The following FRMD4B variants were observed in gnomAD, a reference collection of about 807,000 sequenced individuals.
FRMD4B encodes FERM domain containing 4B, also known as FERM domain-containing protein 4B.
In FRMD4B, 74 loss-of-function variants were observed where a neutral mutation model predicts 141.5. That is an observed-to-expected ratio of 0.52 (90% CI 0.43 to 0.63). The LOEUF (loss-of-function observed/expected upper bound fraction) is 0.63. Ranked by LOEUF, FRMD4B falls within the 30% of genes least tolerant of loss-of-function variation. FRMD4B has a pLI of 0.00. For missense variants in FRMD4B, 1,366 were observed against 1,253.4 expected (o/e 1.09, Z -1.36); for synonymous variants, 506 against 467.9 (o/e 1.08, Z -1.05).
intron 2 of FRMD4B, among the ~76,000 whole-genome samples, chr3:69,397,993 AAAG>A (rs1704500141): frequency 6.6e-6 from 1 of 152,198 alleles, no homozygotes; most frequent in African/African-American, 2.4e-5. Flanking sequence ...ATATCTTCAG[AAAG>A]AAGGTGTTCA....
rs868853679 is a variant in FRMD4B at position 69,187,882 on chromosome 3, T to G, written c.1807A>C (p.Ser603Arg). Residue 603 changes from serine to arginine, a missense_variant, in exon 19 of 23, where the codon AGT becomes CGT. Ser to Arg is a moderately radical substitution (Grantham distance 110). Transcript: ENST00000398540. The stretch of plus-strand genomic sequence containing the variant: ...ATTCTTGGAGAATGAGGTACTGAAC[T>G]TGATCGCTGCCCAGGAAAAGTGAAG... ...DAFTFPGQRS[S>R]SVPHSPRILP... is the part of the protein sequence containing the mutation. 5.0e-6 allele frequency: 8 copies of G among 1,602,786 alleles called. No individual in the cohort carries two copies. The African/African-American group carries it at 6.7e-5, about 13-fold the overall frequency.
intron 1 of FRMD4B, among the ~76,000 whole-genome samples, chr3:69,512,647 G>T (rs756340915): frequency 6.6e-6 from 1 of 152,056 alleles, no homozygotes; most frequent in Non-Finnish European, 1.5e-5. Context: ...CCTAGTCAAC[G>T]AGAATAGGGG....
chr3:69,286,396 C>T (rs1468821539), intron 5 of FRMD4B, among the ~76,000 whole-genome samples: 1 of 152,174 alleles, frequency 6.6e-6, no homozygotes, highest in Non-Finnish European at 1.5e-5. Context: ...TGGAAGTATA[C>T]TACTGTAAGA....
At chr3:69,284,312 T>C (rs914102632) in intron 5 of FRMD4B, among the ~76,000 whole-genome samples, 3 of 152,070 alleles carry the variant, frequency 2.0e-5, no homozygotes, top group Non-Finnish European at 4.4e-5. Flanking sequence ...ATTCCATGCA[T>C]GAAAAGAAAC....
rs759180502 is a variant in FRMD4B at position 69,250,056 on chromosome 3, G to A, written c.545C>T (p.Ala182Val). ...GTCCAATCTTACCTGTAAAATAAAC[G>A]CTGCTAACTTGAAGATGGTTTCGCT... Reference protein sequence around the residue: ...VESETIFKLAAFILQEAKGDY... With the variant: ...VESETIFKLAVFILQEAKGDY... Residue 182 changes from alanine to valine, a missense_variant, in exon 6 of 23, where the codon GCG (alanine) becomes GTG (valine). Ala to Val is a moderately conservative substitution (Grantham distance 64). Transcript: ENST00000398540. 9.9e-6 allele frequency: 16 copies of A among 1,608,848 alleles called. No individual in the cohort carries two copies. Among genetic ancestry groups the A allele is most frequent in the Admixed American group, 1.7e-5 (1 of 59,984 alleles).
At chr3:69,242,228 C>T (rs1166725810) in intron 7 of FRMD4B, among the ~76,000 whole-genome samples, 7 of 152,264 alleles carry the variant, frequency 4.6e-5, no homozygotes, top group Admixed American at 2.0e-4. Flanking sequence ...TTCCAAAACT[C>T]CTCTCTTCAC....
chr3:69,343,913 G>T (rs1299732426), intron 1 of FRMD4B, among the ~76,000 whole-genome samples: 2 of 152,136 alleles, frequency 1.3e-5, no homozygotes, highest in African/African-American at 4.8e-5. Flanking sequence ...CCAAGAGTGA[G>T]TTGCAAATGA....
intron 20 of FRMD4B, 59 bp from the exon 21 acceptor site, chr3:69,181,769 GA>G: frequency 1.9e-6 from 2 of 1,044,288 alleles, no homozygotes; most frequent in Non-Finnish European, 2.8e-6. Context: ...ACCCAAATAA[GA>G]AAAAAGAATA....
At chr3:69,527,620 A>G (rs1485953941) in intron 1 of FRMD4B, among the ~76,000 whole-genome samples, 2 of 152,194 alleles carry the variant, frequency 1.3e-5, no homozygotes, top group Non-Finnish European at 2.9e-5. Context: ...CTATTTTGAA[A>G]TATGTTTATA....
intron 2 of FRMD4B, among the ~76,000 whole-genome samples, chr3:69,400,398 G>C (rs1012738136): frequency 1.0e-4 from 15 of 149,538 alleles, no homozygotes; most frequent in Non-Finnish European, 5.9e-5. Flanking sequence ...AAAAAAAAAA[G>C]TGTACCATTT....
intron 1 of FRMD4B, among the ~76,000 whole-genome samples, chr3:69,318,628 G>T (rs561956438): frequency 3.4e-4 from 52 of 152,212 alleles, no homozygotes; most frequent in Non-Finnish European, 5.6e-4. Context: ...AGGTCAGGGG[G>T]CTGATTTGAT....
rs142554569 is a variant in FRMD4B at position 69,399,628 on chromosome 3, C to T, written c.-1+33006G>A. 3.8e-3 allele frequency among the ~76,000 whole-genome samples: 580 copies of T among 152,264 alleles called. 1 individual carries two copies. The highest frequency in any genetic ancestry group is 0.013 in the African/African-American group (539 of 41,542). Reference sequence around the variant, plus strand: ...CTTCTTTTGGGTTCTAATGCTTTTCCCTCAGGCTCTTTATATTTGTGGCTC... The same window carrying T: ...CTTCTTTTGGGTTCTAATGCTTTTCTCTCAGGCTCTTTATATTTGTGGCTC... On this transcript the variant is annotated intron_variant, in intron 2 of 5. Coordinates refer to the FRMD4B transcript ENST00000459638.
At chr3:69,505,334 C>T (rs80279433) in intron 1 of FRMD4B, among the ~76,000 whole-genome samples, 2,650 of 152,176 alleles carry the variant, frequency 0.017, 74 homozygotes, top group East Asian at 0.12. Context: ...GCTATGATCG[C>T]ACCACTGCCC....
rs61737529 is a variant in FRMD4B at position 69,181,360 on chromosome 3, T to C, written c.2390A>G (p.Gln797Arg). ...SLRNGVYSKSQEPPSSSYYIA... is the reference protein window; with the variant it reads ...SLRNGVYSKSREPPSSSYYIA... Reference sequence around the variant, plus strand: ...GTAGTAACTGGAAGACGGTGGCTCCTGACTCTTTGAGTAAACACCATTCCT... The same window carrying C: ...GTAGTAACTGGAAGACGGTGGCTCCCGACTCTTTGAGTAAACACCATTCCT... Residue 797 changes from glutamine to arginine, a missense_variant, in exon 21 of 23, where the codon CAG becomes CGG. Coordinates refer to ENST00000398540, the MANE Select transcript of FRMD4B (RefSeq NM_015123.3). 42 of 1,613,792 alleles carry C rather than the reference T, an allele frequency of 2.6e-5. No individual in the cohort carries two copies. In the African/African-American group the frequency reaches 4.5e-4, roughly 17 times the overall value.
intron 7 of FRMD4B, among the ~76,000 whole-genome samples, chr3:69,241,458 C>G (rs1254456756): frequency 1.3e-5 from 2 of 152,186 alleles, no homozygotes; most frequent in African/African-American, 4.8e-5. Context: ...AATCACTTCT[C>G]AAGAGTTTTC....
At chr3:69,186,036 T>A (rs890802018) in intron 19 of FRMD4B, among the ~76,000 whole-genome samples, 1 of 148,514 alleles carries the variant, frequency 6.7e-6, no homozygotes, top group African/African-American at 2.5e-5. Context: ...AGCAAGACTC[T>A]GTCTCAAAAA....
chr3:69,532,929 C>T (rs536670019), intron 1 of FRMD4B, among the ~76,000 whole-genome samples: 15 of 152,346 alleles, frequency 9.8e-5, no homozygotes, highest in Admixed American at 3.9e-4. Flanking sequence ...GGGGCTGTGA[C>T]GGGCCCCATG....
In FRMD4B at chr3:69,195,258, C is replaced by T; in HGVS notation, c.1341G>A (p.Glu447=). ...LQEKLLKKVE[E]LKKICLREAE... ...CCTCCCGCAGACAGATCTTCTTAAG[C>T]TCCTCAACTTTTTTCAGAAGTTTTT... The change falls in exon 15 of 23, where the codon GAG becomes GAA. Residue 447 remains glutamate, a synonymous_variant. Coordinates refer to ENST00000398540, the MANE Select transcript of FRMD4B (RefSeq NM_015123.3). The T allele has an allele frequency of 6.2e-7, 1 of 1,612,988 alleles. No homozygotes were observed. Among genetic ancestry groups the T allele is most frequent in the African/African-American group, 1.3e-5 (1 of 74,876 alleles).
At chr3:69,474,159 G>A (rs1268637866) in intron 1 of FRMD4B, among the ~76,000 whole-genome samples, 1 of 152,178 alleles carries the variant, frequency 6.6e-6, no homozygotes, top group Non-Finnish European at 1.5e-5. Flanking sequence ...CTTAGCTCAT[G>A]TATTGCTACA....
Sources: gnomAD v4.1 joint callset for allele counts (sites outside exome capture counted in the v4.1 genomes callset) on GRCh38, gnomAD v4.1.1 for gene constraint, MANE v1.5 for transcripts, NCBI Gene and HGNC (gene_info 2026-07-23, HGNC 2026-07-21) for gene names.